Variants in RBM41 observed in about 807,000 individuals in gnomAD.
The protein encoded by RBM41 is RNA-binding protein 41.
A neutral mutation model predicts 30.8 loss-of-function variants in RBM41; 14 were observed. That is an observed-to-expected ratio of 0.45 (90% CI 0.30 to 0.71). RBM41 has a LOEUF of 0.71. Among genes scored for constraint, RBM41 ranks in the 30% least tolerant of loss-of-function variants. RBM41 has a pLI of 0.08. For missense variants in RBM41, 276 were observed against 326.3 expected (o/e 0.85, Z 1.19); for synonymous variants, 120 against 110.1 (o/e 1.09, Z -0.56).
intron 5 of RBM41, among the ~76,000 whole-genome samples, chrX:107,113,068 C>T (rs1010966823): frequency 3.6e-5 from 4 of 111,182 alleles, no homozygotes; most frequent in African/African-American, 1.3e-4. Flanking sequence ...TATTAGCTAT[C>T]ATATCATCAT....
chrX:107,114,665 C>T (rs777416703), intron 4 of RBM41: 2 of 111,214 alleles, frequency 1.8e-5, no homozygotes, highest in South Asian at 7.6e-4. Flanking sequence ...CAACACTTAA[C>T]AAATGTATCT....
chrX:107,055,393 T>C, the RBM41 span, among the ~76,000 whole-genome samples: 49 of 111,884 alleles, frequency 4.4e-4, 1 homozygote, highest in Admixed American at 3.3e-3. Context: ...GGCACGATCT[T>C]GGCTCACTGC....
At chrX:107,058,370 A>G (rs753026374), downstream of RBM41, among the ~76,000 whole-genome samples, 1 of 110,398 alleles carries the variant, frequency 9.1e-6, no homozygotes, top group African/African-American at 3.3e-5. Context: ...TCTAACACTT[A>G]CTGAGTTCAT....
intron 6 of RBM41, among the ~76,000 whole-genome samples, chrX:107,083,851 T>C (rs1921770056): frequency 9.0e-6 from 1 of 111,047 alleles, no homozygotes; most frequent in Non-Finnish European, 1.9e-5. Flanking sequence ...TATTTTAAAT[T>C]CCATATCTGA....
chrX:107,068,644 G>C (rs1392771899), intron 7 of RBM41, among the ~76,000 whole-genome samples: 1 of 111,140 alleles, frequency 9.0e-6, no homozygotes, highest in Middle Eastern at 4.2e-3. Flanking sequence ...CCCACATATA[G>C]ATTAATAGGC....
In RBM41 at chrX:107,063,947, C is replaced by T. The variant is rs1204211129; in HGVS notation, c.*3580G>A. ...AAGTGAGGTTAGTGCTATGGTCTTT[C>T]TTTTCTTTTTTTTTTTTTTTTTGAG... On this transcript the variant is annotated 3_prime_UTR_variant, in exon 8 of 8. Transcript: ENST00000685964. 3.0e-5 allele frequency among the ~76,000 whole-genome samples: 3 copies of T among 101,041 alleles called. No homozygotes were observed. The highest frequency in any genetic ancestry group is 6.0e-5 in the Non-Finnish European group (3 of 50,158). The allele number at this position is 101,041 out of a possible 115,157, so 87.7% of individuals were successfully genotyped here. A position where few individuals can be genotyped will look rare whatever the true frequency, so the allele number is the denominator to read the frequency against.
At chrX:107,072,998 CA>C (rs1936117596) in intron 6 of RBM41, among the ~76,000 whole-genome samples, 2 of 111,078 alleles carry the variant, frequency 1.8e-5, no homozygotes, top group African/African-American at 6.5e-5. Flanking sequence ...CAACTCAAAA[CA>C]GATCAAAGAC....
At chrX:107,070,361 T>C in intron 6 of RBM41, 1 of 331,241 alleles carries the variant, frequency 3.0e-6, no homozygotes. Context: ...ATTTGGCTCC[T>C]AGAACGCTGG....
chrX:107,058,977 C>G (rs1036092276), downstream of RBM41, among the ~76,000 whole-genome samples: 17 of 111,251 alleles, frequency 1.5e-4, no homozygotes, highest in African/African-American at 4.6e-4. Flanking sequence ...CTTTATGGTA[C>G]TCATCACTTT....
At chrX:107,087,851 CTCA>C (rs752753104) in intron 6 of RBM41, among the ~76,000 whole-genome samples, 1 of 112,413 alleles carries the variant, frequency 8.9e-6, no homozygotes, top group Non-Finnish European at 1.9e-5. Context: ...ATCCGCCTGC[CTCA>C]GCCTCCCAAA....
At chrX:107,108,533 GA>G (rs1210735502) in intron 5 of RBM41, among the ~76,000 whole-genome samples, 1 of 111,506 alleles carries the variant, frequency 9.0e-6, no homozygotes, top group Non-Finnish European at 1.9e-5. Flanking sequence ...TGAAAATGAA[GA>G]GGAAAAAAAC....
In RBM41 at chrX:107,118,613, C is replaced by T. The variant is rs762841643; in HGVS notation, c.8+153G>A. Reference sequence around the variant, plus strand: ...TCTGCAGGCCTGTTCAGCCCGTCTCCCCTCCTCCCGTCTCCTTTGTCGTGT... The same window carrying T: ...TCTGCAGGCCTGTTCAGCCCGTCTCTCCTCCTCCCGTCTCCTTTGTCGTGT... On this transcript the variant is annotated intron_variant, in intron 1 of 7. Transcript: ENST00000685964. Among the ~76,000 whole-genome samples the T allele has an allele frequency of 5.4e-5, 6 of 112,022 alleles. No individual in the cohort carries two copies. The East Asian group carries it at 1.4e-3, about 27-fold the overall frequency.
intron 5 of RBM41, among the ~76,000 whole-genome samples, chrX:107,090,895 A>AC (rs1482585595): frequency 9.1e-6 from 1 of 110,195 alleles, no homozygotes; most frequent in African/African-American, 3.3e-5. Context: ...GCACCTATCA[A>AC]CCCATTATCT....
intron 5 of RBM41, among the ~76,000 whole-genome samples, chrX:107,109,896 T>C (rs1924323520): frequency 9.0e-6 from 1 of 111,432 alleles, no homozygotes. Flanking sequence ...TATTTGTAAT[T>C]TTCCTAAATG....
At position 107,064,288 on chromosome X, in the gene RBM41, G is replaced by C. The variant is rs1204691746; in HGVS notation, c.*3239C>G. On this transcript the variant is annotated 3_prime_UTR_variant, in exon 8 of 8. Coordinates refer to ENST00000685964, the MANE Select transcript of RBM41 (RefSeq NM_001324242.2). ...TTAAGTACAGGCATTTGTACCTATA[G>C]ATTTCCCTGTAAACACTGCTTTAGC... 6.3e-5 allele frequency: 7 copies of C among 111,133 alleles called. No homozygotes were observed. Among genetic ancestry groups the C allele is most frequent in the African/African-American group, 2.3e-4 (7 of 30,528 alleles). 9.2% of individuals were successfully genotyped at this position (111,133 alleles called of 1,213,427 possible).
rs370061501 is a variant in RBM41 at position 107,065,523 on chromosome X, T to C, written c.*2004A>G. 1.5e-5 allele frequency: 4 copies of C among 273,076 alleles called. No individual in the cohort carries two copies. Among genetic ancestry groups the C allele is most frequent in the African/African-American group, 2.8e-5 (1 of 36,242 alleles). 22.5% of individuals were successfully genotyped at this position (273,076 alleles called of 1,213,427 possible). ...CCCATCCCCCGCTTTGTGGTATTAT[T>C]GTTATATATGTTATTCCTATACATT... On this transcript the variant is annotated 3_prime_UTR_variant, in exon 8 of 8. Coordinates refer to ENST00000685964, the MANE Select transcript of RBM41 (RefSeq NM_001324242.2).
chrX:107,056,306 G>T, the RBM41 span, among the ~76,000 whole-genome samples: 10 of 111,579 alleles, frequency 9.0e-5, no homozygotes, highest in East Asian at 2.8e-3. Context: ...ATTTTCTTGA[G>T]GACTTTTGTA....
chrX:107,115,417 T>C lies in RBM41; in HGVS notation c.458A>G (p.Glu153Gly). 8.3e-7 allele frequency: 1 copy of C among 1,211,954 alleles called. No homozygotes were observed. Among genetic ancestry groups the C allele is most frequent in the Non-Finnish European group, 1.1e-6 (1 of 895,556 alleles). ...TCCCTGAAATAAAGACTTTTCTATTTCCATTTCTCGCCGGGTCAGCTGTTT... is the reference window on the plus strand; with the variant it reads ...TCCCTGAAATAAAGACTTTTCTATTCCCATTTCTCGCCGGGTCAGCTGTTT... ...KSKQLTRREM[E>G]IEKSLFQGAD... The change falls in exon 4 of 8, where the codon GAA (glutamate) becomes GGA (glycine). Residue 153 changes from glutamate (E) to glycine (G), a missense_variant. Physicochemically the swap from Glu to Gly is moderately conservative, Grantham distance 98. Coordinates refer to ENST00000685964, the MANE Select transcript of RBM41 (RefSeq NM_001324242.2).
chrX:107,078,702 G>A (rs961015051), intron 6 of RBM41, among the ~76,000 whole-genome samples: 21 of 110,810 alleles, frequency 1.9e-4, no homozygotes, highest in African/African-American at 6.9e-4. Context: ...TTTGGCTCCT[G>A]TATTCCTTTG....
Sources: gnomAD v4.1 joint callset for allele counts (sites outside exome capture counted in the v4.1 genomes callset) on GRCh38, gnomAD v4.1.1 for gene constraint, MANE v1.5 for transcripts, NCBI Gene and HGNC (gene_info 2026-07-23, HGNC 2026-07-21) for gene names.